PRCP: variants seen among roughly 807,000 people sequenced by gnomAD.
The protein encoded by PRCP is prolylcarboxypeptidase.
A neutral mutation model predicts 54.2 loss-of-function variants in PRCP; 46 were observed. The observed-to-expected ratio is 0.85, with a 90% confidence interval of 0.67 to 1.09. PRCP has a LOEUF of 1.09. PRCP is among the 50% of genes least tolerant of loss of function. PRCP has a pLI of 0.00. For synonymous variants in PRCP, 240 were observed against 212.2 expected, an observed-to-expected ratio of 1.13 and a Z score of -1.14; for missense variants, 613 against 596.8, an observed-to-expected ratio of 1.03 and a Z score of -0.28.
Position 82,839,325 on chromosome 11 carries a change from A to C in PRCP, c.1022T>G (p.Val341Gly). ...TGTCTCTGAAATATTCAGGCATTTC[A>C]CCTGGCCCGAATAATTGTAATATAC... ...LNVYYNYSGQ[V>G]KCLNISETAT... Residue 341 changes from valine (V) to glycine (G), a missense_variant, in exon 7 of 9, where the codon GTG (valine) becomes GGG (glycine). Val to Gly is a moderately radical substitution (Grantham distance 109). Coordinates refer to ENST00000313010, the MANE Select transcript of PRCP (RefSeq NM_005040.4). The C allele has an allele frequency of 6.2e-7, 1 of 1,614,058 alleles. No individual in the cohort carries two copies. Among genetic ancestry groups the C allele is most frequent in the Non-Finnish European group, 8.5e-7 (1 of 1,179,954 alleles).
At chr11:82,825,454 A>C (rs1235125802) in intron 8 of PRCP, 1 of 263,834 alleles carries the variant, frequency 3.8e-6, no homozygotes, top group Non-Finnish European at 7.3e-6. Context: ...AAGTTACCTG[A>C]CTCAGTTTCC....
chr11:82,836,270 C>G (rs1022907085), intron 8 of PRCP: 1 of 152,996 alleles, frequency 6.5e-6, no homozygotes, highest in Admixed American at 6.5e-5. Flanking sequence ...TCTCATTCAG[C>G]AATCAGATAG....
intron 2 of PRCP, among the ~76,000 whole-genome samples, chr11:82,855,850 A>G (rs1482230322): frequency 6.6e-6 from 1 of 152,226 alleles, no homozygotes; most frequent in Non-Finnish European, 1.5e-5. Flanking sequence ...CAGTAAAAAA[A>G]TAACAGATGT....
chr11:82,823,814 C>A lies in PRCP; in HGVS notation c.*1092G>T, dbSNP rs1418673662. 1 of 152,114 alleles carries A rather than the reference C, an allele frequency of 6.6e-6. No individual in the cohort carries two copies. 9.4% of individuals were successfully genotyped at this position (152,114 alleles called of 1,614,324 possible). A position where few individuals can be genotyped will look rare whatever the true frequency, so the allele number is the denominator to read the frequency against. ...GTAAGAACTGCTTGAAAGAAGCCAA[C>A]CCCTTGGAAATAGGAATGGCTTGGC... is the stretch of plus-strand genomic sequence containing the variant. On this transcript the variant is annotated 3_prime_UTR_variant, in exon 9 of 9. Transcript: ENST00000313010.
At chr11:82,842,179 G>A (rs972284790) in intron 6 of PRCP, among the ~76,000 whole-genome samples, 8 of 152,188 alleles carry the variant, frequency 5.3e-5, no homozygotes, top group Non-Finnish European at 1.0e-4. Context: ...CTGGGCCTCT[G>A]TCAGGCAAAG....
intron 2 of PRCP, among the ~76,000 whole-genome samples, chr11:82,856,850 C>T (rs1859097251): frequency 6.6e-6 from 1 of 152,030 alleles, no homozygotes; most frequent in South Asian, 2.1e-4. Flanking sequence ...AGATCGAGAT[C>T]ACGGTGAAAC....
At chr11:82,861,956 A>G (rs907157253) in intron 1 of PRCP, among the ~76,000 whole-genome samples, 1 of 152,176 alleles carries the variant, frequency 6.6e-6, no homozygotes, top group Non-Finnish European at 1.5e-5. Context: ...AATGCTCCAA[A>G]TCTGAAACTT....
At chr11:82,848,299 A>T (rs1858857695) in intron 6 of PRCP, among the ~76,000 whole-genome samples, 1 of 152,248 alleles carries the variant, frequency 6.6e-6, no homozygotes, top group African/African-American at 2.4e-5. Flanking sequence ...CATACACAAT[A>T]AATAATTTTG....
chr11:82,892,332 T>C (rs1467068609), intron 1 of PRCP, among the ~76,000 whole-genome samples: 1 of 152,220 alleles, frequency 6.6e-6, no homozygotes, highest in Middle Eastern at 3.2e-3. Flanking sequence ...TTTAGCATAA[T>C]ATTGAGCTCA....
chr11:82,893,351 G>A (rs1860045588), intron 1 of PRCP, among the ~76,000 whole-genome samples: 1 of 152,138 alleles, frequency 6.6e-6, no homozygotes, highest in Non-Finnish European at 1.5e-5. Flanking sequence ...TACTATAGCA[G>A]CAAAACCTAA....
intron 8 of PRCP, chr11:82,830,945 C>T (rs1268944831): frequency 6.8e-6 from 1 of 146,134 alleles, no homozygotes; most frequent in East Asian, 2.0e-4. Context: ...AGTGGCTTAG[C>T]AACAGTGTTT....
chr11:82,869,581 C>T (rs1361132041), intron 1 of PRCP, among the ~76,000 whole-genome samples: 1 of 152,132 alleles, frequency 6.6e-6, no homozygotes, highest in African/African-American at 2.4e-5. Flanking sequence ...GAAATAGACT[C>T]AAATAGGCAG....
At chr11:82,884,776 C>T (rs1321388463) in intron 1 of PRCP, 3 of 1,608,548 alleles carry the variant, frequency 1.9e-6, no homozygotes, top group African/African-American at 1.3e-5. Context: ...AAGTTCATGG[C>T]TTTCAGCTTG....
intron 6 of PRCP, among the ~76,000 whole-genome samples, chr11:82,844,198 A>G (rs1858745640): frequency 6.6e-6 from 1 of 152,188 alleles, no homozygotes; most frequent in Non-Finnish European, 1.5e-5. Context: ...GTTATTATAC[A>G]CATTTTGCAA....
At chr11:82,839,493 CAAA>C in intron 6 of PRCP, 68 bp from the exon 7 acceptor site, 1 of 1,453,590 alleles carries the variant, frequency 6.9e-7, no homozygotes, top group Non-Finnish European at 9.4e-7. Flanking sequence ...TTTAATAACA[CAAA>C]GAAGAAATAT....
At chr11:82,883,209 C>G (rs1260865727) in intron 1 of PRCP, among the ~76,000 whole-genome samples, 1 of 152,104 alleles carries the variant, frequency 6.6e-6, no homozygotes. Flanking sequence ...ATCGAAGTAG[C>G]TATAAAGTGC....
intron 6 of PRCP, chr11:82,846,015 G>T (rs904023390): frequency 1.3e-5 from 2 of 152,186 alleles, no homozygotes; most frequent in Admixed American, 6.5e-5. Context: ...GCATTTAGTC[G>T]CTGCCCATGG....
chr11:82,882,084 A>G, intron 1 of PRCP, among the ~76,000 whole-genome samples: 1 of 152,176 alleles, frequency 6.6e-6, no homozygotes, highest in East Asian at 1.9e-4. Context: ...GATCATCACA[A>G]AGGTCTTTAT....
intron 1 of PRCP, among the ~76,000 whole-genome samples, chr11:82,894,910 AAAATAG>A (rs1476979785): frequency 6.6e-6 from 1 of 152,238 alleles, no homozygotes; most frequent in Non-Finnish European, 1.5e-5. Context: ...CATAGAAAGA[AAAATAG>A]AAATAGTTTC....
Sources: gnomAD v4.1 joint callset for allele counts (sites outside exome capture counted in the v4.1 genomes callset) on GRCh38, gnomAD v4.1.1 for gene constraint, MANE v1.5 for transcripts, NCBI Gene and HGNC (gene_info 2026-07-23, HGNC 2026-07-21) for gene names.